The following SLC24A3 variants were observed in gnomAD, a reference collection of about 807,000 sequenced individuals.
The protein encoded by SLC24A3 is solute carrier family 24 member 3.
SLC24A3 carries 28 observed loss-of-function variants against 75.8 expected under a neutral mutation model. The ratio of observed to expected loss-of-function variants is 0.37; its 90% CI spans 0.27 to 0.51. The LOEUF (loss-of-function observed/expected upper bound fraction) is 0.51, where lower values mean the gene tolerates loss of function less well. Among genes scored for constraint, SLC24A3 ranks in the 20% least tolerant of loss-of-function variants. SLC24A3 has a pLI of 0.94. For missense variants in SLC24A3, 663 were observed against 847.8 expected, an observed-to-expected ratio of 0.78 and a Z score of 2.71; for synonymous variants, 372 against 334.1, an observed-to-expected ratio of 1.11 and a Z score of -1.24.
intron 2 of SLC24A3, among the ~76,000 whole-genome samples, chr20:19,346,741 T>C (rs1295322973): frequency 6.6e-6 from 1 of 152,086 alleles, no homozygotes; most frequent in Non-Finnish European, 1.5e-5. Flanking sequence ...GGATACGGTG[T>C]ACACTGCTCG....
intron 2 of SLC24A3, among the ~76,000 whole-genome samples, chr20:19,482,413 C>G (rs1001153772): frequency 6.6e-6 from 1 of 152,206 alleles, no homozygotes; most frequent in Non-Finnish European, 1.5e-5. Flanking sequence ...AATCTGCTTG[C>G]CCCTCTGCCA....
Position 19,717,495 on chromosome 20 carries a change from T to C in SLC24A3, c.1720-33T>C, listed in dbSNP as rs757619696. On this transcript the variant is annotated intron_variant, in intron 15 of 16. Transcript: ENST00000328041. ...CTAACTCTGCTTTGGAAGCCTAGCT[T>C]GTCAGAAGCCTAACTCTAACCCTCT... is the stretch of plus-strand genomic sequence containing the variant. The C allele has an allele frequency of 3.1e-6, 5 of 1,611,918 alleles. No individual in the cohort carries two copies. The East Asian group carries it at 8.9e-5, about 29-fold the overall frequency.
intron 2 of SLC24A3, among the ~76,000 whole-genome samples, chr20:19,425,839 A>G (rs1246493395): frequency 6.6e-6 from 1 of 152,104 alleles, no homozygotes; most frequent in Non-Finnish European, 1.5e-5. Flanking sequence ...TGGTGCTCAA[A>G]TTGTCCCAAA....
At chr20:19,259,713 TC>T (rs1459053001) in intron 1 of SLC24A3, among the ~76,000 whole-genome samples, 1 of 152,168 alleles carries the variant, frequency 6.6e-6, no homozygotes, top group Non-Finnish European at 1.5e-5. Flanking sequence ...ACATTGTTTC[TC>T]CCCCAACATT....
chr20:19,265,503 A>G (rs1301788522), intron 1 of SLC24A3, among the ~76,000 whole-genome samples: 4 of 152,296 alleles, frequency 2.6e-5, no homozygotes, highest in African/African-American at 9.6e-5. Flanking sequence ...GGATTTCAAC[A>G]GACTTTACAT....
At chr20:19,677,515 AC>A (rs1189650610) in intron 9 of SLC24A3, among the ~76,000 whole-genome samples, 15 of 151,624 alleles carry the variant, frequency 9.9e-5, no homozygotes, top group South Asian at 2.1e-4. Context: ...ATTCGTCACC[AC>A]CCCCAGCAAC....
intron 15 of SLC24A3, among the ~76,000 whole-genome samples, chr20:19,700,354 A>C (rs1600347619): frequency 6.6e-6 from 1 of 152,154 alleles, no homozygotes; most frequent in East Asian, 1.9e-4. Context: ...CCATAGCTAC[A>C]CAGAAAGCAG....
chr20:19,673,894 C>T (rs1357638400), intron 9 of SLC24A3, among the ~76,000 whole-genome samples: 1 of 152,216 alleles, frequency 6.6e-6, no homozygotes, highest in Non-Finnish European at 1.5e-5. Flanking sequence ...CTTGAGAACT[C>T]TCTAGAACCC....
At chr20:19,603,424 T>A (rs1208826957) in intron 6 of SLC24A3, among the ~76,000 whole-genome samples, 1 of 152,152 alleles carries the variant, frequency 6.6e-6, no homozygotes, top group Non-Finnish European at 1.5e-5. Context: ...TGGTGATGGA[T>A]GTTTCTGAGG....
intron 2 of SLC24A3, among the ~76,000 whole-genome samples, chr20:19,453,378 T>G (rs191479325): frequency 7.8e-4 from 118 of 152,180 alleles, no homozygotes; most frequent in Non-Finnish European, 1.5e-3. Flanking sequence ...GATTTATGGC[T>G]TTGGTGGGAG....
intron 2 of SLC24A3, among the ~76,000 whole-genome samples, chr20:19,316,878 C>A (rs982888006): frequency 6.6e-6 from 1 of 152,070 alleles, no homozygotes; most frequent in Non-Finnish European, 1.5e-5. Context: ...GCAGGATGTG[C>A]AGGTTTGTGA....
chr20:19,704,683 G>A (rs977872255), intron 15 of SLC24A3, among the ~76,000 whole-genome samples: 7 of 152,166 alleles, frequency 4.6e-5, no homozygotes, highest in Non-Finnish European at 8.8e-5. Context: ...GGAGTCATGA[G>A]TGACAAGAGC....
In SLC24A3 at chr20:19,239,081, G is replaced by A. The variant is rs181769954; in HGVS notation, c.142+26097G>A. On this transcript the variant is annotated intron_variant, in intron 1 of 16. Coordinates refer to ENST00000328041, the MANE Select transcript of SLC24A3 (RefSeq NM_020689.4). ...AAGTGTTAGTTACACTGGAGGAAGT[G>A]TGATGCAATCACTGGAGCTCTTTGA... 3.4e-5 allele frequency among the ~76,000 whole-genome samples: 5 copies of A among 148,294 alleles called. No homozygotes were observed. In the East Asian group the frequency reaches 1.1e-3, roughly 31 times the overall value.
At chr20:19,636,143 AAAAG>A (rs10536182) in intron 6 of SLC24A3, among the ~76,000 whole-genome samples, 54,183 of 151,040 alleles carry the variant, frequency 0.36, 12,692 homozygotes, top group African/African-American at 0.68. Context: ...CCATCTCAAA[AAAAG>A]AAAGAAAGAA....
At chr20:19,528,465 A>T (rs996547121) in intron 3 of SLC24A3, among the ~76,000 whole-genome samples, 2 of 152,114 alleles carry the variant, frequency 1.3e-5, no homozygotes, top group South Asian at 4.1e-4. Context: ...TTGCAAATAG[A>T]TTTTTTGATG....
intron 1 of SLC24A3, among the ~76,000 whole-genome samples, chr20:19,257,168 A>G (rs1446538368): frequency 6.6e-6 from 1 of 152,216 alleles, no homozygotes; most frequent in African/African-American, 2.4e-5. Context: ...GTTTTTAAAG[A>G]GAAATCCTGA....
rs1344669960 is a variant in SLC24A3 at position 19,585,473 on chromosome 20, G to A, written c.541G>A (p.Gly181Ser). The part of the protein sequence containing the change: ...VFITKGDVGV[G>S]TIVGSAVFNI... ...CATCACCAAAGGCGATGTGGGAGTT[G>A]GCACCATCGTGGGCTCAGCGGTATT... Residue 181 changes from glycine to serine, a missense_variant, in exon 6 of 17, where the codon GGC (glycine) becomes AGC (serine). This residue lies in a region of SLC24A3 where 510 missense variants were observed against 703.6 expected (regional missense o/e 0.72). Transcript: ENST00000328041. 1.2e-6 allele frequency: 2 copies of A among 1,614,186 alleles called. No homozygotes were observed. Among genetic ancestry groups the A allele is most frequent in the Non-Finnish European group, 1.7e-6 (2 of 1,180,040 alleles).
chr20:19,251,657 C>T (rs951969873), intron 1 of SLC24A3, among the ~76,000 whole-genome samples: 9 of 152,182 alleles, frequency 5.9e-5, no homozygotes, highest in Non-Finnish European at 1.2e-4. Flanking sequence ...GGTATTGATC[C>T]ACCTAATTCA....
chr20:19,273,087 C>T (rs1048144352), intron 1 of SLC24A3, among the ~76,000 whole-genome samples: 3 of 152,178 alleles, frequency 2.0e-5, no homozygotes, highest in Non-Finnish European at 4.4e-5. Flanking sequence ...CCCTTGGGAC[C>T]AGTTTGGACT....
Sources: gnomAD v4.1 joint callset for allele counts (sites outside exome capture counted in the v4.1 genomes callset) on GRCh38, gnomAD v4.1.1 for gene constraint, gnomAD v4.1.1 regional missense constraint, MANE v1.5 for transcripts, NCBI Gene and HGNC (gene_info 2026-07-23, HGNC 2026-07-21) for gene names.